Variants in KIF3C observed in about 807,000 individuals in gnomAD.
KIF3C encodes the protein kinesin-like protein KIF3C.
A neutral mutation model predicts 67.7 loss-of-function variants in KIF3C; 12 were observed. That is an observed-to-expected ratio of 0.18 (90% CI 0.11 to 0.29). KIF3C has a LOEUF of 0.29. KIF3C is among the 10% of genes least tolerant of loss of function. The pLI, the probability that KIF3C is intolerant of heterozygous loss-of-function variation, is 1.00. For synonymous variants in KIF3C, 393 were observed against 426.2 expected (o/e 0.92, Z 0.96); for missense variants, 789 against 1,059.6 (o/e 0.74, Z 3.55).
chr2:25,956,420 C>T lies in KIF3C; in HGVS notation c.1570G>A (p.Gly524Arg), dbSNP rs776433001. 1.2e-6 allele frequency: 2 copies of T among 1,614,068 alleles called. No homozygotes were observed. The highest frequency in any genetic ancestry group is 2.2e-5 in the East Asian group (1 of 44,882). ...YKAMESKLLIGGRNIMDHTNE... is the reference protein window; with the variant it reads ...YKAMESKLLIRGRNIMDHTNE... ...GTGTGATCCATGATGTTCCTGCCCC[C>T]GATGAGGAGCTTGCTCTCCATGGCC... The change falls in exon 2 of 8, where the codon GGG (glycine) becomes AGG (arginine). Residue 524 changes from glycine (G) to arginine (R), a missense_variant. Transcript: ENST00000264712.
intron 5 of KIF3C, among the ~76,000 whole-genome samples, chr2:25,934,569 G>A (rs1310532645): frequency 6.6e-6 from 1 of 150,420 alleles, no homozygotes; most frequent in Non-Finnish European, 1.5e-5. Flanking sequence ...GACAGAGCGA[G>A]ACTCCATCTC....
intron 1 of KIF3C, among the ~76,000 whole-genome samples, chr2:25,962,692 T>G (rs1356997314): frequency 7.2e-6 from 1 of 138,674 alleles, no homozygotes; most frequent in African/African-American, 2.7e-5. Flanking sequence ...TTCACCTCTA[T>G]GGACATAGTA....
chr2:25,936,308 TG>T (rs1663123795), intron 5 of KIF3C, among the ~76,000 whole-genome samples: 1 of 152,146 alleles, frequency 6.6e-6, no homozygotes, highest in African/African-American at 2.4e-5. Context: ...CCCCAAGTGT[TG>T]GGATTACAGG....
chr2:25,952,549 GTA>G (rs796400757), intron 4 of KIF3C, among the ~76,000 whole-genome samples: 272 of 68,162 alleles, frequency 4.0e-3, no homozygotes, highest in South Asian at 5.0e-3. Flanking sequence ...GTGTGTGTGT[GTA>G]TATATATATA....
chr2:25,961,903 G>A (rs1164519677), intron 1 of KIF3C, among the ~76,000 whole-genome samples: 3 of 148,862 alleles, frequency 2.0e-5, no homozygotes, highest in African/African-American at 2.5e-5. Context: ...AGCTGAAATC[G>A]TGCCACTGCA....
At chr2:25,950,888 A>G (rs1358497146) in intron 5 of KIF3C, among the ~76,000 whole-genome samples, 1 of 138,304 alleles carries the variant, frequency 7.2e-6, no homozygotes, top group Non-Finnish European at 1.5e-5. Flanking sequence ...TCTAAGCTAT[A>G]GTTGTTAAAA....
chr2:25,962,960 TATATATA>T (rs1173947940), intron 1 of KIF3C, among the ~76,000 whole-genome samples: 3,017 of 31,082 alleles, frequency 0.097, 200 homozygotes, highest in African/African-American at 0.11. Context: ...TAATATATAA[TATATATA>T]ATATATAATA....
rs1288071774 is a variant in KIF3C at position 25,980,520 on chromosome 2, C to T, written c.1398G>A (p.Glu466=). The T allele has an allele frequency of 6.2e-7, 1 of 1,614,192 alleles. No individual in the cohort carries two copies. The highest frequency in any genetic ancestry group is 8.5e-7 in the Non-Finnish European group (1 of 1,180,044). Reference sequence around the variant, plus strand: ...TGGCTGCCTTCTCCTCCTCCAGCCGCTCCTTCTGTTCCTGCAGGTAATTCT... The same window carrying T: ...TGGCTGCCTTCTCCTCCTCCAGCCGTTCCTTCTGTTCCTGCAGGTAATTCT... The part of the protein sequence containing the change: ...NMENYLQEQK[E]RLEEEKAAIQ... The change falls in exon 1 of 8, where the codon GAG becomes GAA. Residue 466 remains glutamate, a synonymous_variant. Coordinates refer to ENST00000264712, the MANE Select transcript of KIF3C (RefSeq NM_002254.8). The surrounding 1 kb of genome is among the most constrained non-coding windows in gnomAD (Gnocchi z 7.6).
At chr2:25,930,630 C>T (rs2090451336) in intron 5 of KIF3C, among the ~76,000 whole-genome samples, 1 of 152,126 alleles carries the variant, frequency 6.6e-6, no homozygotes, top group Non-Finnish European at 1.5e-5. Flanking sequence ...CTCTGCCTCC[C>T]GGGTTCAAGT....
chr2:25,981,368 C>T lies in KIF3C; in HGVS notation c.550G>A (p.Val184Ile), dbSNP rs145788022. ...GVYIKDLSSF[V>I]TKNVKEIEHV... ...TCAATCTCCTTGACATTCTTGGTGA[C>T]GAAGGAGGAGAGGTCCTTGATGTAG... Residue 184 changes from valine (V) to isoleucine (I), a missense_variant, in exon 1 of 8, where the codon GTC (valine) becomes ATC (isoleucine). This residue lies in a region of KIF3C where 141 missense variants were observed against 251.8 expected (regional missense o/e 0.56). Coordinates refer to ENST00000264712, the MANE Select transcript of KIF3C (RefSeq NM_002254.8). This position sits in a 1 kb window ranked among gnomAD's most constrained non-coding sequence, Gnocchi z 8.2. 46 of 1,614,010 alleles carry T rather than the reference C, an allele frequency of 2.9e-5. No homozygotes were observed. The highest frequency in any genetic ancestry group is 1.6e-4 in the Middle Eastern group (1 of 6,084).
At chr2:25,946,077 C>T (rs1331632181) in intron 5 of KIF3C, among the ~76,000 whole-genome samples, 1 of 151,984 alleles carries the variant, frequency 6.6e-6, no homozygotes, top group African/African-American at 2.4e-5. Context: ...CATGCCACTG[C>T]ACTACAGTCT....
chr2:25,948,630 GAGAGAGAGAAAGAGAA>G (rs1436968209), intron 5 of KIF3C, among the ~76,000 whole-genome samples: 2 of 98,722 alleles, frequency 2.0e-5, no homozygotes, highest in African/African-American at 1.0e-4. Flanking sequence ...AAGAGAGAAA[GAGAGAGAGAAAGAGAA>G]AGAGAGAAAG....
chr2:25,952,525 ATG>A (rs35756626), intron 4 of KIF3C, among the ~76,000 whole-genome samples: 64,023 of 144,062 alleles, frequency 0.44, 14,786 homozygotes, highest in East Asian at 0.81. Flanking sequence ...TTGTATATAT[ATG>A]TGTGTGTGTG....
At chr2:25,943,859 C>T (rs1453954240) in intron 5 of KIF3C, among the ~76,000 whole-genome samples, 2 of 149,140 alleles carry the variant, frequency 1.3e-5, no homozygotes, top group African/African-American at 4.9e-5. Flanking sequence ...CAGCAAAATT[C>T]TATCTAAAAA....
At chr2:25,937,863 T>C (rs921838220) in intron 5 of KIF3C, among the ~76,000 whole-genome samples, 1 of 151,988 alleles carries the variant, frequency 6.6e-6, no homozygotes, top group African/African-American at 2.4e-5. Flanking sequence ...AAGACCAGCC[T>C]GGCCAACATG....
chr2:25,955,690 C>G lies in KIF3C; in HGVS notation c.1648-27G>C. On this transcript the variant is annotated intron_variant, in intron 2 of 7. Coordinates refer to ENST00000264712, the MANE Select transcript of KIF3C (RefSeq NM_002254.8). This position sits in a 1 kb window ranked among gnomAD's most constrained non-coding sequence, Gnocchi z 5.0. ...TAGGCCAAGGACGGGCAGTGTGGCT[C>G]AAAGGAGCAGTGCATACTCGGGAGG... 6.2e-7 allele frequency: 1 copy of G among 1,613,424 alleles called. No individual in the cohort carries two copies. Among genetic ancestry groups the G allele is most frequent in the South Asian group, 1.1e-5 (1 of 90,994 alleles).
rs1305839603 is a variant in KIF3C at position 25,954,368 on chromosome 2, C to T, written c.1788G>A (p.Gln596=). The change falls in exon 4 of 8, where the codon CAG becomes CAA. Residue 596 remains glutamine (Q), a synonymous_variant. Transcript: ENST00000264712. ...GGTCCTGGATCTCCGCCTTCACCGCCTGCAGCTTGGCGTAGAGCTGGGTGG... is the reference window on the plus strand; with the variant it reads ...GGTCCTGGATCTCCGCCTTCACCGCTTGCAGCTTGGCGTAGAGCTGGGTGG... ...KKLKKLYAKL[Q]AVKAEIQDQH... The T allele has an allele frequency of 6.2e-6, 10 of 1,613,896 alleles. No individual in the cohort carries two copies. The African/African-American group carries it at 9.3e-5, about 15-fold the overall frequency.
intron 1 of KIF3C, among the ~76,000 whole-genome samples, chr2:25,962,548 T>C (rs2149237379): frequency 6.7e-6 from 1 of 150,334 alleles, no homozygotes. Context: ...CCGGCTAATT[T>C]TGTAGTTTTG....
chr2:25,940,650 CTTTTTTT>C (rs70950139), intron 5 of KIF3C, among the ~76,000 whole-genome samples: 5 of 74,172 alleles, frequency 6.7e-5, no homozygotes, highest in South Asian at 5.8e-4. Flanking sequence ...TCAGAATGTT[CTTTTTTT>C]TTTTTTTTTT....
Sources: allele counts gnomAD v4.1 joint callset (sites outside exome capture counted in the v4.1 genomes callset), GRCh38; gene constraint gnomAD v4.1.1; regional missense constraint gnomAD v4.1.1; non-coding constraint Gnocchi (gnomAD v3.1); transcripts MANE v1.5; gene names NCBI Gene and HGNC (gene_info 2026-07-23, HGNC 2026-07-21).